PHYHD1: variants seen among roughly 807,000 people sequenced by gnomAD.
PHYHD1 encodes the protein phytanoyl-CoA dioxygenase domain-containing protein 1.
Under a neutral mutation model 43.6 loss-of-function variants are expected in PHYHD1, and 42 were observed. That is an observed-to-expected ratio of 0.96 (90% CI 0.75 to 1.25). The LOEUF (loss-of-function observed/expected upper bound fraction) is 1.25, where lower values mean the gene tolerates loss of function less well. PHYHD1 is among the 50% of genes most tolerant of loss of function. PHYHD1 has a pLI of 0.00. For synonymous variants in PHYHD1, 139 were observed against 143.6 expected, an observed-to-expected ratio of 0.97 and a Z score of 0.23; for missense variants, 342 against 370.8, an observed-to-expected ratio of 0.92 and a Z score of 0.64.
At chr9:128,935,920 A>G (rs184043165) in intron 6 of PHYHD1, among the ~76,000 whole-genome samples, 1 of 152,246 alleles carries the variant, frequency 6.6e-6, no homozygotes, top group East Asian at 1.9e-4. Context: ...ATAAATAAAT[A>G]AAAATAAAAA....
chr9:128,922,203 T>G lies in PHYHD1; in HGVS notation c.-41-80T>G. 4 of 1,188,762 alleles carry G rather than the reference T, an allele frequency of 3.4e-6. No homozygotes were observed. In the Admixed American group the frequency reaches 6.8e-5, roughly 20 times the overall value. 73.6% of individuals were successfully genotyped at this position (1,188,762 alleles called of 1,614,324 possible). On this transcript the variant is annotated intron_variant, in intron 2 of 12. Coordinates refer to ENST00000372592, the MANE Select transcript of PHYHD1 (RefSeq NM_001100876.2). Reference sequence around the variant, plus strand: ...TCTGGCTGTGTCTAGGGAAGGAGGGTTGGGTGGTGGGACCGGGTTTTCTCC... The same window carrying G: ...TCTGGCTGTGTCTAGGGAAGGAGGGGTGGGTGGTGGGACCGGGTTTTCTCC...
At position 128,934,075 on chromosome 9, in the gene PHYHD1, G is replaced by T; in HGVS notation, c.316+17G>T. 1 of 1,612,166 alleles carries T rather than the reference G, an allele frequency of 6.2e-7. No homozygotes were observed. The highest frequency in any genetic ancestry group is 1.1e-5 in the South Asian group (1 of 91,042). On this transcript the variant is annotated intron_variant, in intron 6 of 12. Coordinates refer to ENST00000372592, the MANE Select transcript of PHYHD1 (RefSeq NM_001100876.2). ...TTGGCCACGGTGAGCAGGGGCTTGG[G>T]GGTACAGGAAAGAAGATCGGGGAAC... is the stretch of plus-strand genomic sequence containing the variant.
chr9:128,937,261 GA>G (rs76089520), intron 8 of PHYHD1, among the ~76,000 whole-genome samples: 287 of 145,834 alleles, frequency 2.0e-3, no homozygotes, highest in South Asian at 9.3e-3. Flanking sequence ...CAAAAAGGAA[GA>G]AAAAAAAAAA....
In PHYHD1 at chr9:128,922,112, T is replaced by A. The variant is rs1388942555; in HGVS notation, c.-42+65T>A. On this transcript the variant is annotated intron_variant, in intron 2 of 12. Transcript: ENST00000372592. Reference sequence around the variant, plus strand: ...AGGAAGCAGATAAAATCCTTGGAGATGGGAAAGGGCAAATCCTGGATTAGT... The same window carrying A: ...AGGAAGCAGATAAAATCCTTGGAGAAGGGAAAGGGCAAATCCTGGATTAGT... 3 of 552,138 alleles carry A rather than the reference T, an allele frequency of 5.4e-6. No homozygotes were observed. In the East Asian group the frequency reaches 9.9e-5, roughly 18 times the overall value. 34.2% of individuals were successfully genotyped at this position (552,138 alleles called of 1,614,324 possible). A position where few individuals can be genotyped will look rare whatever the true frequency, so the allele number is the denominator to read the frequency against.
At chr9:128,936,918 CA>C (rs1841437844) in intron 8 of PHYHD1, among the ~76,000 whole-genome samples, 1 of 151,926 alleles carries the variant, frequency 6.6e-6, no homozygotes, top group South Asian at 2.1e-4. Context: ...AGTTCGAGAT[CA>C]GCCTGGCCAA....
intron 3 of PHYHD1, among the ~76,000 whole-genome samples, chr9:128,926,345 C>G (rs1197169460): frequency 6.6e-6 from 1 of 151,928 alleles, no homozygotes; most frequent in Non-Finnish European, 1.5e-5. Context: ...ATTCTCCTGC[C>G]TCCAAGCTAT....
intron 6 of PHYHD1, among the ~76,000 whole-genome samples, chr9:128,935,064 A>G (rs1841391884): frequency 6.6e-6 from 1 of 152,176 alleles, no homozygotes; most frequent in South Asian, 2.1e-4. Flanking sequence ...TCAAGTAAGA[A>G]AACCCTCACT....
chr9:128,927,891 G>T (rs760465992), intron 4 of PHYHD1, among the ~76,000 whole-genome samples: 29 of 152,344 alleles, frequency 1.9e-4, no homozygotes, highest in Non-Finnish European at 3.2e-4. Flanking sequence ...ACCCCCACCT[G>T]TGTAACTATC....
chr9:128,923,682 T>G (rs1841060781), intron 3 of PHYHD1, among the ~76,000 whole-genome samples: 1 of 152,202 alleles, frequency 6.6e-6, no homozygotes, highest in Non-Finnish European at 1.5e-5. Context: ...GATCCCCTAT[T>G]GCGTAATCCT....
At chr9:128,940,277 G>T in intron 9 of PHYHD1, 92 bp from the exon 10 acceptor site, 1 of 1,551,118 alleles carries the variant, frequency 6.4e-7, no homozygotes, top group African/African-American at 1.4e-5. Context: ...GCCCTGGAGA[G>T]CACCCAGAGG....
chr9:128,933,044 G>A (rs1330788100), intron 4 of PHYHD1, among the ~76,000 whole-genome samples: 1 of 146,162 alleles, frequency 6.8e-6, no homozygotes, highest in Non-Finnish European at 1.5e-5. Flanking sequence ...TAGAGACGGG[G>A]ATTTCACCAT....
chr9:128,938,793 A>G (rs1841489712), intron 9 of PHYHD1, among the ~76,000 whole-genome samples: 1 of 130,722 alleles, frequency 7.6e-6, no homozygotes, highest in Non-Finnish European at 1.8e-5. Flanking sequence ...CTAGTTCCAC[A>G]CCCTACACCA....
intron 11 of PHYHD1, 60 bp downstream of exon 11, chr9:128,940,775 G>A (rs1841539380): frequency 7.7e-6 from 12 of 1,552,200 alleles, no homozygotes; most frequent in Admixed American, 5.2e-5. Context: ...GTGCTTGCTC[G>A]ACTACCCAGC....
At chr9:128,930,500 C>T (rs1347520557) in intron 4 of PHYHD1, among the ~76,000 whole-genome samples, 2 of 150,714 alleles carry the variant, frequency 1.3e-5, no homozygotes, top group Admixed American at 6.6e-5. Context: ...AATCCCAGCA[C>T]TTTGGGAGGC....
intron 4 of PHYHD1, among the ~76,000 whole-genome samples, chr9:128,932,124 C>G (rs1045818836): frequency 6.6e-6 from 1 of 150,974 alleles, no homozygotes; most frequent in Non-Finnish European, 1.5e-5. Context: ...CATGAGCCAC[C>G]GCACCCGGCC....
intron 2 of PHYHD1, 26 bp downstream of exon 2, chr9:128,922,073 C>T: frequency 1.9e-6 from 1 of 526,792 alleles, no homozygotes; most frequent in Non-Finnish European, 3.4e-6. Flanking sequence ...GGGTGGTTTC[C>T]AGAAGAAACA....
At chr9:128,934,505 A>G (rs1841377015) in intron 6 of PHYHD1, among the ~76,000 whole-genome samples, 1 of 152,020 alleles carries the variant, frequency 6.6e-6, no homozygotes. Flanking sequence ...GTGGTCGTTC[A>G]CGTCTGTAAT....
intron 6 of PHYHD1, among the ~76,000 whole-genome samples, chr9:128,935,962 A>G (rs1841414440): frequency 6.6e-6 from 1 of 152,096 alleles, no homozygotes; most frequent in Non-Finnish European, 1.5e-5. Flanking sequence ...AATGCATTCA[A>G]TCTTATGTTT....
At position 128,933,669 on chromosome 9, in the gene PHYHD1, G is replaced by A. The variant is rs1215816168; in HGVS notation, c.193-113G>A. ...AGTGGACAAGTCTGAGAAGCCCCCAGGGTGTCTGTAACCCTGTGAGGGTGG... is the reference window on the plus strand; with the variant it reads ...AGTGGACAAGTCTGAGAAGCCCCCAAGGTGTCTGTAACCCTGTGAGGGTGG... On this transcript the variant is annotated intron_variant, in intron 4 of 12. Coordinates refer to ENST00000372592, the MANE Select transcript of PHYHD1 (RefSeq NM_001100876.2). 2.4e-5 allele frequency: 27 copies of A among 1,146,616 alleles called. No individual in the cohort carries two copies. The Admixed American group carries it at 4.6e-4, about 20-fold the overall frequency. 71.0% of individuals were successfully genotyped at this position (1,146,616 alleles called of 1,614,324 possible). A position where few individuals can be genotyped will look rare whatever the true frequency, so the allele number is the denominator to read the frequency against.
Sources: gnomAD v4.1 joint callset for allele counts (sites outside exome capture counted in the v4.1 genomes callset) on GRCh38, gnomAD v4.1.1 for gene constraint, MANE v1.5 for transcripts, NCBI Gene and HGNC (gene_info 2026-07-23, HGNC 2026-07-21) for gene names.